MYO1D: variants seen among roughly 807,000 people sequenced by gnomAD.
The protein encoded by MYO1D is myosin ID, also known as unconventional myosin-Id.
Under a neutral mutation model 122.0 loss-of-function variants are expected in MYO1D, and 83 were observed. The ratio of observed to expected loss-of-function variants is 0.68; its 90% CI spans 0.57 to 0.82. MYO1D has a LOEUF of 0.82. Among genes scored for constraint, MYO1D ranks in the 40% least tolerant of loss-of-function variants. The probability of loss-of-function intolerance (pLI) is 0.00; values close to 1 mark genes in which losing one functional copy is unlikely to be tolerated. For missense variants in MYO1D, 1,157 were observed against 1,269.5 expected, an observed-to-expected ratio of 0.91 and a Z score of 1.35; for synonymous variants, 464 against 446.9, an observed-to-expected ratio of 1.04 and a Z score of -0.48.
At chr17:32,813,652 G>A (rs1032283509) in intron 1 of MYO1D, among the ~76,000 whole-genome samples, 1 of 152,184 alleles carries the variant, frequency 6.6e-6, no homozygotes, top group Non-Finnish European at 1.5e-5. Context: ...TAAAGGAAAG[G>A]AAAACTAGAG....
intron 16 of MYO1D, among the ~76,000 whole-genome samples, chr17:32,694,905 G>C (rs891342267): frequency 1.3e-5 from 2 of 151,966 alleles, no homozygotes; most frequent in East Asian, 1.9e-4. Context: ...AGTGATACCA[G>C]CTATCCAGGA....
chr17:32,522,845 C>CT (rs1910197428), intron 21 of MYO1D, among the ~76,000 whole-genome samples: 2 of 144,948 alleles, frequency 1.4e-5, no homozygotes, highest in Admixed American at 1.4e-4. Flanking sequence ...GAGATGGAGT[C>CT]TCGCTCTGTC....
intron 16 of MYO1D, among the ~76,000 whole-genome samples, chr17:32,687,891 C>G (rs2089040873): frequency 6.6e-6 from 1 of 152,188 alleles, no homozygotes; most frequent in Non-Finnish European, 1.5e-5. Context: ...TGGGAGTCCT[C>G]TGTGGAACAT....
intron 21 of MYO1D, among the ~76,000 whole-genome samples, chr17:32,543,937 C>G (rs1313451366): frequency 6.6e-6 from 1 of 151,704 alleles, no homozygotes; most frequent in East Asian, 2.0e-4. Context: ...GGACTATAGG[C>G]GTGTGCCACC....
chr17:32,644,826 T>G (rs958577942), intron 19 of MYO1D, among the ~76,000 whole-genome samples: 9 of 152,236 alleles, frequency 5.9e-5, no homozygotes, highest in African/African-American at 1.9e-4. Flanking sequence ...AAGATGGGTT[T>G]CTTGAATACA....
intron 16 of MYO1D, among the ~76,000 whole-genome samples, chr17:32,690,646 T>C (rs1459302816): frequency 1.3e-5 from 2 of 152,248 alleles, no homozygotes; most frequent in African/African-American, 2.4e-5. Flanking sequence ...TTGTGATGAG[T>C]GACCTCTTGC....
At chr17:32,683,741 T>A (rs375519042) in intron 16 of MYO1D, among the ~76,000 whole-genome samples, 13 of 152,268 alleles carry the variant, frequency 8.5e-5, no homozygotes, top group South Asian at 2.1e-4. Context: ...GAGCCTACAG[T>A]GGCAGGCAGG....
At chr17:32,555,996 C>A (rs991906850) in intron 21 of MYO1D, among the ~76,000 whole-genome samples, 2 of 152,150 alleles carry the variant, frequency 1.3e-5, no homozygotes, top group Non-Finnish European at 2.9e-5. Flanking sequence ...CCTGCTTATT[C>A]CTCCTTAGCA....
intron 21 of MYO1D, among the ~76,000 whole-genome samples, chr17:32,540,553 A>G (rs1910807383): frequency 6.6e-6 from 1 of 152,138 alleles, no homozygotes; most frequent in East Asian, 1.9e-4. Context: ...CATACTTTAC[A>G]CCTTTAGTTA....
At chr17:32,570,371 AT>A (rs1252074648) in intron 21 of MYO1D, among the ~76,000 whole-genome samples, 3 of 150,896 alleles carry the variant, frequency 2.0e-5, no homozygotes, top group Admixed American at 6.6e-5. Context: ...ATTAAAAAAA[AT>A]TTTTTTTTTT....
Position 32,771,114 on chromosome 17 carries a change from G to T in MYO1D, c.714+11C>A. 1 of 1,569,644 alleles carries T rather than the reference G, an allele frequency of 6.4e-7. No homozygotes were observed. Among genetic ancestry groups the T allele is most frequent in the East Asian group, 2.2e-5 (1 of 44,586 alleles). On this transcript the variant is annotated intron_variant, in intron 6 of 21. Coordinates refer to ENST00000318217, the MANE Select transcript of MYO1D (RefSeq NM_015194.3). ...TTTCTATTGGAGCAATCTCAAAGAGGAAATTCTCACCTTTAATTGAGCTCC... is the reference window on the plus strand; with the variant it reads ...TTTCTATTGGAGCAATCTCAAAGAGTAAATTCTCACCTTTAATTGAGCTCC...
At chr17:32,603,320 T>C (rs2087584576) in intron 21 of MYO1D, among the ~76,000 whole-genome samples, 1 of 152,126 alleles carries the variant, frequency 6.6e-6, no homozygotes, top group Non-Finnish European at 1.5e-5. Context: ...AGCACCCAGA[T>C]AGAGATAAAA....
intron 20 of MYO1D, among the ~76,000 whole-genome samples, chr17:32,605,972 C>T (rs1468141068): frequency 2.0e-5 from 3 of 151,040 alleles, no homozygotes; most frequent in South Asian, 2.1e-4. Context: ...TGGAGGCGTG[C>T]GCCTGTAGTC....
chr17:32,614,072 ATTTTTTT>A (rs527897976), intron 20 of MYO1D, among the ~76,000 whole-genome samples: 6 of 126,624 alleles, frequency 4.7e-5, no homozygotes, highest in South Asian at 2.5e-4. Flanking sequence ...TAATGTTTTA[ATTTTTTT>A]TTTTTTTTTT....
intron 21 of MYO1D, among the ~76,000 whole-genome samples, chr17:32,584,187 G>A (rs546780585): frequency 1.4e-4 from 21 of 152,190 alleles, no homozygotes; most frequent in African/African-American, 3.4e-4. Context: ...CCCAAATCTC[G>A]CTTCTATCTA....
chr17:32,788,228 ATC>A (rs1288393967), intron 1 of MYO1D, among the ~76,000 whole-genome samples: 1 of 152,074 alleles, frequency 6.6e-6, no homozygotes, highest in Non-Finnish European at 1.5e-5. Context: ...CTACGCCAAT[ATC>A]TGTTATTTTT....
intron 14 of MYO1D, chr17:32,727,514 A>G (rs956723348): frequency 2.6e-5 from 4 of 152,364 alleles, no homozygotes; most frequent in African/African-American, 9.6e-5. Context: ...TAAGTGATAC[A>G]TGTCTTACTA....
At chr17:32,867,052 T>C (rs2091131829) in intron 1 of MYO1D, among the ~76,000 whole-genome samples, 1 of 152,152 alleles carries the variant, frequency 6.6e-6, no homozygotes, top group South Asian at 2.1e-4. Flanking sequence ...TGATTCCTTC[T>C]CTGTAGGAAG....
chr17:32,669,809 G>A (rs1387276955), intron 16 of MYO1D, among the ~76,000 whole-genome samples: 1 of 152,066 alleles, frequency 6.6e-6, no homozygotes, highest in Non-Finnish European at 1.5e-5. Flanking sequence ...AAAAGTCAAA[G>A]CAGTAACAGA....
Sources: gnomAD v4.1 joint callset for allele counts (sites outside exome capture counted in the v4.1 genomes callset) on GRCh38, gnomAD v4.1.1 for gene constraint, MANE v1.5 for transcripts, NCBI Gene and HGNC (gene_info 2026-07-23, HGNC 2026-07-21) for gene names.